RBFOX1: variants seen among roughly 807,000 people sequenced by gnomAD.
RBFOX1 encodes the protein RNA binding fox-1 homolog 1.
A neutral mutation model predicts 57.7 loss-of-function variants in RBFOX1; 8 were observed. The observed-to-expected ratio is 0.14, with a 90% CI of 0.08 to 0.25. The LOEUF (loss-of-function observed/expected upper bound fraction) is 0.25. RBFOX1 is among the 10% of genes least tolerant of loss of function. RBFOX1 has a pLI of 1.00. For missense variants in RBFOX1, 611 were observed against 548.5 expected, an observed-to-expected ratio of 1.11 and a Z score of -1.14; for synonymous variants, 326 against 222.4, an observed-to-expected ratio of 1.47 and a Z score of -4.15.
chr16:7,140,351 C>G (rs1351680507), intron 4 of RBFOX1, among the ~76,000 whole-genome samples: 1 of 145,066 alleles, frequency 6.9e-6, no homozygotes, highest in Admixed American at 7.1e-5. Flanking sequence ...CTTTTCCCCA[C>G]TCTGAGTCTG....
chr16:6,263,007 G>T (rs563983941), intron 1 of RBFOX1, among the ~76,000 whole-genome samples: 1 of 152,296 alleles, frequency 6.6e-6, no homozygotes, highest in East Asian at 1.9e-4. Flanking sequence ...CTGATTTGTA[G>T]CCTGAAGGAT....
intron 2 of RBFOX1, among the ~76,000 whole-genome samples, chr16:6,494,706 T>C (rs1283338916): frequency 6.6e-6 from 1 of 152,242 alleles, no homozygotes. Flanking sequence ...GAATGGGCCT[T>C]GGAGATCTTT....
chr16:6,864,932 A>G (rs1435067708), intron 3 of RBFOX1, among the ~76,000 whole-genome samples: 1 of 151,514 alleles, frequency 6.6e-6, no homozygotes, highest in African/African-American at 2.4e-5. Flanking sequence ...CGAAAACACA[A>G]AGGTCAAAAA....
rs185260424 is a variant in RBFOX1 at position 5,257,112 on chromosome 16, C to T, written c.219+17007C>T. On this transcript the variant is annotated intron_variant, in intron 1 of 2. Transcript: ENST00000585867. ...TACAGGGTCTTAAATGGGGGAGCCA[C>T]TTTGGGTTCTTTCCACAAGATTGCT... Among the ~76,000 whole-genome samples, 257 of 152,042 alleles carry T rather than the reference C, an allele frequency of 1.7e-3. 2 individuals are homozygous for T. Among genetic ancestry groups the T allele is most frequent in the African/African-American group, 6.0e-3 (248 of 41,462 alleles).
At chr16:5,783,911 C>A (rs917274740) in intron 3 of RBFOX1, among the ~76,000 whole-genome samples, 1 of 152,204 alleles carries the variant, frequency 6.6e-6, no homozygotes, top group Admixed American at 6.5e-5. Context: ...TCCACAAATT[C>A]ATACATGGAA....
chr16:5,309,030 G>A (rs1051006107), intron 1 of RBFOX1, among the ~76,000 whole-genome samples: 4 of 152,010 alleles, frequency 2.6e-5, no homozygotes, highest in African/African-American at 4.8e-5. Flanking sequence ...TGTTGTCTTG[G>A]CTAGAGCTTC....
At chr16:6,583,343 C>A (rs183085878) in intron 2 of RBFOX1, among the ~76,000 whole-genome samples, 1 of 152,226 alleles carries the variant, frequency 6.6e-6, no homozygotes, top group African/African-American at 2.4e-5. Flanking sequence ...GGGTGGGTTG[C>A]GTGCAGAGCA....
intron 3 of RBFOX1, among the ~76,000 whole-genome samples, chr16:6,799,019 C>T (rs2084746029): frequency 6.6e-6 from 1 of 151,896 alleles, no homozygotes; most frequent in Non-Finnish European, 1.5e-5. Flanking sequence ...ATTTTGTTGC[C>T]ATCCAGGAGG....
At chr16:7,205,323 G>C (rs1938590055) in intron 4 of RBFOX1, among the ~76,000 whole-genome samples, 1 of 151,950 alleles carries the variant, frequency 6.6e-6, no homozygotes, top group South Asian at 2.1e-4. Context: ...TTCAAGACCA[G>C]TCTGGCCAAC....
chr16:7,402,409 T>C (rs113738414), intron 4 of RBFOX1, among the ~76,000 whole-genome samples: 7 of 152,336 alleles, frequency 4.6e-5, no homozygotes, highest in African/African-American at 1.7e-4. Flanking sequence ...GAATATCATC[T>C]TTGAAAAGTG....
At chr16:5,335,762 G>A (rs2064879902) in intron 1 of RBFOX1, among the ~76,000 whole-genome samples, 1 of 152,178 alleles carries the variant, frequency 6.6e-6, no homozygotes, top group Non-Finnish European at 1.5e-5. Flanking sequence ...ATCTTCAGAA[G>A]CCAGCATAAC....
chr16:5,934,522 A>T (rs888816960), intron 4 of RBFOX1, among the ~76,000 whole-genome samples: 4 of 152,204 alleles, frequency 2.6e-5, no homozygotes, highest in Non-Finnish European at 1.5e-5. Flanking sequence ...CTAGTCCACG[A>T]CTCACGTTGC....
intron 1 of RBFOX1, among the ~76,000 whole-genome samples, chr16:5,312,487 T>C (rs1306297487): frequency 6.6e-6 from 1 of 152,156 alleles, no homozygotes; most frequent in African/African-American, 2.4e-5. Context: ...CACTAAATTT[T>C]GTGGTTTTTA....
chr16:6,041,206 G>T (rs1386589212), intron 1 of RBFOX1, among the ~76,000 whole-genome samples: 1 of 152,112 alleles, frequency 6.6e-6, no homozygotes, highest in African/African-American at 2.4e-5. Flanking sequence ...CACATGATAT[G>T]CAGCCCCAGT....
chr16:7,137,217 C>G (rs1312132266), intron 4 of RBFOX1, among the ~76,000 whole-genome samples: 3 of 152,156 alleles, frequency 2.0e-5, no homozygotes, highest in Non-Finnish European at 4.4e-5. Flanking sequence ...CTGGTGCACA[C>G]TAGGAAGTCA....
rs148077998 is a variant in RBFOX1, at chr16:6,013,904, T to C, written c.351+146569T>C. Among the ~76,000 whole-genome samples, 252 of 145,318 alleles carry C rather than the reference T, an allele frequency of 1.7e-3. 5 individuals are homozygous for C. The East Asian group carries it at 0.039, about 23-fold the overall frequency. ...GCATGTTTTCACTCACAGGTGGGAATTGAACAATGAGAACACTTGGACACA... is the reference window on the plus strand; with the variant it reads ...GCATGTTTTCACTCACAGGTGGGAACTGAACAATGAGAACACTTGGACACA... On this transcript the variant is annotated intron_variant, in intron 4 of 19. Coordinates refer to the RBFOX1 transcript ENST00000641259.
chr16:5,366,602 C>A, intron 1 of RBFOX1: 2 of 390,792 alleles, frequency 5.1e-6, no homozygotes, highest in Non-Finnish European at 4.9e-6. Context: ...AGAGAGGAAG[C>A]AAAGTTCATC....
chr16:6,238,655 C>G (rs531585386), intron 1 of RBFOX1, among the ~76,000 whole-genome samples: 141 of 152,294 alleles, frequency 9.3e-4, no homozygotes, highest in African/African-American at 3.1e-3. Flanking sequence ...CCACACCAAA[C>G]AAATGAGAAT....
At chr16:7,480,380 G>A (rs1270033640) in intron 4 of RBFOX1, among the ~76,000 whole-genome samples, 1 of 152,184 alleles carries the variant, frequency 6.6e-6, no homozygotes, top group African/African-American at 2.4e-5. Context: ...GGTTAAGAGA[G>A]ATAACACCTA....
Sources: gnomAD v4.1 joint callset for allele counts (sites outside exome capture counted in the v4.1 genomes callset) on GRCh38, gnomAD v4.1.1 for gene constraint, MANE v1.5 for transcripts, NCBI Gene and HGNC (gene_info 2026-07-23, HGNC 2026-07-21) for gene names.